Variants in CORO2A observed in about 807,000 individuals in gnomAD.
CORO2A encodes the protein coronin-2A.
In CORO2A, 47 loss-of-function variants were observed where a neutral mutation model predicts 62.4. That is an observed-to-expected ratio of 0.75 (90% confidence interval 0.60 to 0.96). The LOEUF (loss-of-function observed/expected upper bound fraction) is 0.96, where lower values mean the gene tolerates loss of function less well. Among genes scored for constraint, CORO2A ranks in the 40% least tolerant of loss-of-function variants. CORO2A has a pLI of 0.00. For synonymous variants in CORO2A, 273 were observed against 268.9 expected, an observed-to-expected ratio of 1.02 and a Z score of -0.15; for missense variants, 610 against 684.1, an observed-to-expected ratio of 0.89 and a Z score of 1.21.
intron 2 of CORO2A, among the ~76,000 whole-genome samples, chr9:98,154,386 A>G (rs1421706932): frequency 8.1e-6 from 1 of 122,848 alleles, no homozygotes; most frequent in African/African-American, 3.0e-5. Context: ...TTTTAAATAT[A>G]TGTATGTAAA....
intron 2 of CORO2A, among the ~76,000 whole-genome samples, chr9:98,144,172 G>C (rs891156337): frequency 6.7e-6 from 1 of 149,508 alleles, no homozygotes; most frequent in Non-Finnish European, 1.5e-5. Flanking sequence ...CTGGGCAACA[G>C]AGTGAGATCC....
intron 2 of CORO2A, among the ~76,000 whole-genome samples, chr9:98,141,392 C>T (rs960753771): frequency 1.4e-5 from 2 of 144,990 alleles, no homozygotes; most frequent in Non-Finnish European, 3.0e-5. Context: ...CGTCTTGTTG[C>T]TCAGGCTGGG....
At position 98,133,222 on chromosome 9, in the gene CORO2A, A is replaced by G. The variant is rs781249547; in HGVS notation, c.469-5T>C. On this transcript the variant is annotated splice_polypyrimidine_tract_variant and splice_region_variant and intron_variant, in intron 4 of 11. Transcript: ENST00000375077. Reference sequence around the variant, plus strand: ...ATCCAGGTTCCAGATCATCACCTGCATGGCAGAGAGCCAGCTCTGAGCACA... The same window carrying G: ...ATCCAGGTTCCAGATCATCACCTGCGTGGCAGAGAGCCAGCTCTGAGCACA... 3 of 1,614,112 alleles carry G rather than the reference A, an allele frequency of 1.9e-6. No homozygotes were observed. The highest frequency in any genetic ancestry group is 2.5e-6 in the Non-Finnish European group (3 of 1,179,958).
At chr9:98,159,039 A>T (rs1426966759) in intron 1 of CORO2A, among the ~76,000 whole-genome samples, 1 of 86,146 alleles carries the variant, frequency 1.2e-5, no homozygotes, top group African/African-American at 4.5e-5. Context: ...TCACCACCCC[A>T]CCCCCACCTC....
chr9:98,148,007 G>C (rs569256218), intron 2 of CORO2A, among the ~76,000 whole-genome samples: 5 of 151,792 alleles, frequency 3.3e-5, no homozygotes, highest in Admixed American at 1.3e-4. Context: ...GGCACTTTGG[G>C]AGGCTGAGGC....
chr9:98,154,569 G>A (rs1055658398), intron 2 of CORO2A, among the ~76,000 whole-genome samples: 10 of 151,586 alleles, frequency 6.6e-5, no homozygotes, highest in African/African-American at 2.4e-4. Flanking sequence ...ATCCCCCAGG[G>A]GTAACTGCTA....
chr9:98,168,521 C>G (rs937644859), intron 1 of CORO2A, among the ~76,000 whole-genome samples: 7 of 152,310 alleles, frequency 4.6e-5, no homozygotes, highest in Non-Finnish European at 8.8e-5. Context: ...GATCACATAG[C>G]TAGTTAGTGG....
chr9:98,128,410 C>A (rs529253878), intron 9 of CORO2A, 150 bp from the exon 10 acceptor site: 2 of 785,940 alleles, frequency 2.5e-6, no homozygotes, highest in Admixed American at 2.4e-5. Flanking sequence ...CCCGAGGTCA[C>A]GCAGCAGCTC....
intron 3 of CORO2A, 104 bp from the exon 4 acceptor site, chr9:98,135,059 A>T: frequency 6.9e-7 from 1 of 1,447,852 alleles, no homozygotes; most frequent in East Asian, 2.3e-5. Context: ...GGACCAAGGG[A>T]GCTCTCTCCA....
In CORO2A at chr9:98,128,697, G is replaced by A. The variant is rs368276546; in HGVS notation, c.990C>T (p.Leu330=). The A allele has an allele frequency of 4.3e-5, 69 of 1,614,114 alleles. No homozygotes were observed. Among genetic ancestry groups the A allele is most frequent in the Non-Finnish European group, 5.0e-5 (59 of 1,179,986 alleles). The change falls in exon 9 of 12, where the codon CTC becomes CTT. Residue 330 remains leucine, a synonymous_variant. Coordinates refer to ENST00000375077, the MANE Select transcript of CORO2A (RefSeq NM_052820.4). The stretch of plus-strand genomic sequence containing the variant: ...GGAAGATCTCGCAGGAGGACACGTC[G>A]AGTCCTCTCTTTGGCATGACACCTG... ...KGIGVMPKRG[L]DVSSCEIFRF... is the part of the protein sequence containing the mutation.
intron 2 of CORO2A, among the ~76,000 whole-genome samples, chr9:98,145,219 G>C (rs1250840858): frequency 6.6e-6 from 1 of 152,122 alleles, no homozygotes; most frequent in Non-Finnish European, 1.5e-5. Context: ...ACTTCCTCCT[G>C]AGGTAATTCA....
chr9:98,151,030 C>T (rs1827717729), intron 2 of CORO2A, among the ~76,000 whole-genome samples: 1 of 152,194 alleles, frequency 6.6e-6, no homozygotes, highest in African/African-American at 2.4e-5. Flanking sequence ...GCATTGCTTC[C>T]TGAACATTCT....
intron 9 of CORO2A, 114 bp downstream of exon 9, chr9:98,128,493 T>C (rs1015110154): frequency 5.2e-6 from 5 of 957,976 alleles, no homozygotes; most frequent in Non-Finnish European, 8.3e-6. Flanking sequence ...GAAAGGCCGC[T>C]CTGTGGCTGC....
intron 1 of CORO2A, among the ~76,000 whole-genome samples, chr9:98,178,135 C>T (rs1828133113): frequency 6.6e-6 from 1 of 152,140 alleles, no homozygotes; most frequent in Non-Finnish European, 1.5e-5. Context: ...TAGCCTCCAA[C>T]TCCTGGACTC....
intron 4 of CORO2A, among the ~76,000 whole-genome samples, chr9:98,134,267 G>A (rs1271952309): frequency 6.6e-6 from 1 of 152,186 alleles, no homozygotes; most frequent in African/African-American, 2.4e-5. Context: ...CTCCTGTACT[G>A]TGGGTCCCAA....
intron 11 of CORO2A, among the ~76,000 whole-genome samples, chr9:98,126,322 C>G (rs115559008): frequency 2.6e-5 from 4 of 152,190 alleles, no homozygotes; most frequent in Admixed American, 2.6e-4. Flanking sequence ...GAGTGAGCCA[C>G]TGTGCCCAGC....
intron 1 of CORO2A, among the ~76,000 whole-genome samples, chr9:98,163,110 A>T (rs1001593025): frequency 1.3e-5 from 2 of 152,226 alleles, no homozygotes; most frequent in East Asian, 3.8e-4. Flanking sequence ...ATGCCATGGG[A>T]TTAGGCTCCG....
At chr9:98,170,742 C>T (rs747274134) in intron 1 of CORO2A, among the ~76,000 whole-genome samples, 7 of 152,128 alleles carry the variant, frequency 4.6e-5, no homozygotes, top group Non-Finnish European at 8.8e-5. Context: ...TGAGCCTGGC[C>T]GAGAATCCTA....
chr9:98,157,328 G>T, intron 2 of CORO2A, 132 bp downstream of exon 2: 2 of 796,578 alleles, frequency 2.5e-6, no homozygotes, highest in Non-Finnish European at 4.0e-6. Flanking sequence ...TCAAAGAGAT[G>T]AAATGACTTA....
Sources: allele counts gnomAD v4.1 joint callset (sites outside exome capture counted in the v4.1 genomes callset), GRCh38; gene constraint gnomAD v4.1.1; transcripts MANE v1.5; gene names NCBI Gene and HGNC (gene_info 2026-07-23, HGNC 2026-07-21).